EPHA6: variants seen among roughly 807,000 people sequenced by gnomAD.
EPHA6 encodes EPH receptor A6.
EPHA6 carries 50 observed loss-of-function variants against 112.0 expected under a neutral mutation model. The observed-to-expected ratio is 0.45, with a 90% CI of 0.36 to 0.56. The LOEUF (loss-of-function observed/expected upper bound fraction) is 0.56, where lower values mean the gene tolerates loss of function less well. EPHA6 is among the 20% of genes least tolerant of loss of function. The pLI is 0.00. For synonymous variants in EPHA6, 529 were observed against 490.7 expected (o/e 1.08, Z -1.03); for missense variants, 1,280 against 1,417.4 (o/e 0.90, Z 1.56).
intron 3 of EPHA6, among the ~76,000 whole-genome samples, chr3:97,192,792 A>T (rs759293692): frequency 3.9e-5 from 6 of 152,058 alleles, no homozygotes; most frequent in Non-Finnish European, 8.8e-5. Flanking sequence ...TCTTTATTTG[A>T]TTTTTGTATA....
At chr3:97,381,381 G>T (rs1309949293) in intron 5 of EPHA6, among the ~76,000 whole-genome samples, 1 of 151,944 alleles carries the variant, frequency 6.6e-6, no homozygotes, top group East Asian at 1.9e-4. Context: ...CTGTGACATA[G>T]ACACTATTAG....
chr3:97,648,517 T>G (rs1450882485), intron 14 of EPHA6: 2 of 1,296,964 alleles, frequency 1.5e-6, no homozygotes, highest in Admixed American at 7.9e-5. Context: ...GAAGTTAATT[T>G]TTAAGCCTTG....
At chr3:97,324,433 C>CTTTCTTTCTT (rs2082289176) in intron 5 of EPHA6, among the ~76,000 whole-genome samples, 2 of 145,506 alleles carry the variant, frequency 1.4e-5, no homozygotes, top group Non-Finnish European at 3.0e-5. Context: ...TTCTTTCTTT[C>CTTTCTTTCTT]TTTCTTTCTT....
At chr3:97,394,059 A>G (rs2109075451) in intron 5 of EPHA6, among the ~76,000 whole-genome samples, 1 of 151,872 alleles carries the variant, frequency 6.6e-6, no homozygotes, top group East Asian at 1.9e-4. Flanking sequence ...GTAACATATG[A>G]ATTTCATTTC....
chr3:97,275,973 C>T (rs970202095), intron 5 of EPHA6, among the ~76,000 whole-genome samples: 3 of 151,782 alleles, frequency 2.0e-5, no homozygotes, highest in African/African-American at 4.8e-5. Flanking sequence ...GCTGGGCAGG[C>T]GGGGATAACT....
chr3:97,236,394 A>C (rs1174983698), intron 4 of EPHA6, among the ~76,000 whole-genome samples: 1 of 152,012 alleles, frequency 6.6e-6, no homozygotes, highest in Non-Finnish European at 1.5e-5. Context: ...TGGTCTTAGC[A>C]CTTTTACTTT....
At chr3:97,114,705 C>A (rs990718671) in intron 3 of EPHA6, among the ~76,000 whole-genome samples, 4 of 151,926 alleles carry the variant, frequency 2.6e-5, no homozygotes, top group African/African-American at 9.7e-5. Flanking sequence ...AGAAAAATGT[C>A]TTTTTTGCTG....
rs1461775635 is a variant in EPHA6, at chr3:97,752,265, A to C, written c.*3564A>C. The C allele has an allele frequency of 4.5e-6, 1 of 222,928 alleles. No individual in the cohort carries two copies. The highest frequency in any genetic ancestry group is 5.7e-5 in the Admixed American group (1 of 17,468). 13.8% of individuals were successfully genotyped at this position (222,928 alleles called of 1,614,324 possible). Reference sequence around the variant, plus strand: ...CGATCCTTGAAAAGCAAAGGCTCTAAAGAAGCTCTTCAGAAGAGACGGTAA... The same window carrying C: ...CGATCCTTGAAAAGCAAAGGCTCTACAGAAGCTCTTCAGAAGAGACGGTAA... On this transcript the variant is annotated 3_prime_UTR_variant, in exon 18 of 18. Transcript: ENST00000389672.
At chr3:97,406,234 G>T (rs1329932855) in intron 6 of EPHA6, among the ~76,000 whole-genome samples, 1 of 152,132 alleles carries the variant, frequency 6.6e-6, no homozygotes, top group Non-Finnish European at 1.5e-5. Context: ...TTTGTCTGCT[G>T]TAACAGAATA....
chr3:96,941,238 A>G (rs1042922988), intron 2 of EPHA6, among the ~76,000 whole-genome samples: 9 of 152,182 alleles, frequency 5.9e-5, no homozygotes, highest in Admixed American at 2.6e-4. Flanking sequence ...AGATACACCA[A>G]TCAGTCGTAG....
At chr3:97,422,561 G>A (rs1004705582) in intron 6 of EPHA6, among the ~76,000 whole-genome samples, 12 of 152,104 alleles carry the variant, frequency 7.9e-5, no homozygotes, top group Non-Finnish European at 2.9e-5. Flanking sequence ...TGTTTGAGAC[G>A]TAAAATCAGC....
At chr3:97,150,675 T>C (rs2076150276) in intron 3 of EPHA6, among the ~76,000 whole-genome samples, 1 of 152,144 alleles carries the variant, frequency 6.6e-6, no homozygotes, top group South Asian at 2.1e-4. Context: ...TCTCCCAATG[T>C]TCATGAGACT....
intron 13 of EPHA6, among the ~76,000 whole-genome samples, chr3:97,621,749 C>T (rs1440412277): frequency 1.3e-5 from 2 of 151,744 alleles, no homozygotes; most frequent in African/African-American, 2.4e-5. Flanking sequence ...AGCATATAAC[C>T]GATTGTGACA....
At chr3:97,559,171 A>G (rs1012913386) in intron 11 of EPHA6, among the ~76,000 whole-genome samples, 2 of 152,044 alleles carry the variant, frequency 1.3e-5, no homozygotes, top group Admixed American at 1.3e-4. Flanking sequence ...AACTGCTAGT[A>G]TTACCAATTT....
chr3:97,013,281 C>A (rs940196190), intron 3 of EPHA6, among the ~76,000 whole-genome samples: 5 of 151,804 alleles, frequency 3.3e-5, no homozygotes, highest in Admixed American at 2.0e-4. Flanking sequence ...GATTTATATT[C>A]TTTGTGTAAA....
At chr3:97,350,692 G>A (rs770628034) in intron 5 of EPHA6, among the ~76,000 whole-genome samples, 1 of 151,992 alleles carries the variant, frequency 6.6e-6, no homozygotes, top group Non-Finnish European at 1.5e-5. Flanking sequence ...CTATGATATA[G>A]TACTTAACAA....
chr3:96,904,971 A>T (rs952349019), intron 2 of EPHA6, among the ~76,000 whole-genome samples: 2 of 152,176 alleles, frequency 1.3e-5, no homozygotes, highest in African/African-American at 4.8e-5. Flanking sequence ...GTATGCATTG[A>T]AAAGCAAATA....
At chr3:97,660,261 C>A (rs1269756754) in intron 14 of EPHA6, among the ~76,000 whole-genome samples, 1 of 151,994 alleles carries the variant, frequency 6.6e-6, no homozygotes, top group African/African-American at 2.4e-5. Context: ...ATCTAACTTT[C>A]AATTTGTGAG....
chr3:97,019,352 C>T (rs1209491198), intron 3 of EPHA6, among the ~76,000 whole-genome samples: 1 of 152,094 alleles, frequency 6.6e-6, no homozygotes, highest in African/African-American at 2.4e-5. Context: ...AATTTTCTCA[C>T]ACATATGTAC....
Sources: allele counts gnomAD v4.1 joint callset (sites outside exome capture counted in the v4.1 genomes callset), GRCh38; gene constraint gnomAD v4.1.1; transcripts MANE v1.5; gene names NCBI Gene and HGNC (gene_info 2026-07-23, HGNC 2026-07-21).